Variants in LDLRAD4 observed in about 807,000 individuals in gnomAD.
The protein encoded by LDLRAD4 is low density lipoprotein receptor class A domain containing 4.
Under a neutral mutation model 17.0 loss-of-function variants are expected in LDLRAD4, and 5 were observed. That is an observed-to-expected ratio of 0.29 (90% CI 0.15 to 0.62). The LOEUF is 0.62. Among genes scored for constraint, LDLRAD4 ranks in the 20% least tolerant of loss-of-function variants. LDLRAD4 has a pLI of 0.84. For missense variants in LDLRAD4, 340 were observed against 424.7 expected, an observed-to-expected ratio of 0.80 and a Z score of 1.75; for synonymous variants, 168 against 171.8, an observed-to-expected ratio of 0.98 and a Z score of 0.17.
At chr18:13,575,337 A>G (rs952049588) in intron 3 of LDLRAD4, among the ~76,000 whole-genome samples, 47 of 152,316 alleles carry the variant, frequency 3.1e-4, no homozygotes, top group Admixed American at 1.2e-3. Flanking sequence ...TTGGTTTTCC[A>G]TTCCTGAGTT....
chr18:13,473,659 AT>A (rs1568213772), intron 3 of LDLRAD4, among the ~76,000 whole-genome samples: 28 of 105,826 alleles, frequency 2.6e-4, no homozygotes, highest in Admixed American at 8.8e-4. Context: ...ATATATATAT[AT>A]ATATATATAT....
At chr18:13,381,142 G>A (rs1551362) in intron 1 of LDLRAD4, among the ~76,000 whole-genome samples, 69,401 of 148,974 alleles carry the variant, frequency 0.47, 16,672 homozygotes, top group Non-Finnish European at 0.52. Context: ...CAGTGGTGCA[G>A]TCACAGCTCA....
intron 3 of LDLRAD4, among the ~76,000 whole-genome samples, chr18:13,456,698 A>C (rs1382283759): frequency 6.6e-6 from 1 of 152,234 alleles, no homozygotes; most frequent in Non-Finnish European, 1.5e-5. Flanking sequence ...ATTCATAATA[A>C]GTTTGCTTTT....
At chr18:13,642,808 C>T in intron 4 of LDLRAD4, 1 of 1,130,102 alleles carries the variant, frequency 8.8e-7, no homozygotes, top group Non-Finnish European at 1.1e-6. Context: ...GCCAGGAGTT[C>T]AACTTTTCCA....
intron 3 of LDLRAD4, among the ~76,000 whole-genome samples, chr18:13,576,457 GAAAT>G (rs59803676): frequency 0.32 from 46,664 of 146,564 alleles, 8,936 homozygotes; most frequent in South Asian, 0.44. Context: ...AAGAAAGAAA[GAAAT>G]AAAGTGGATT....
intron 1 of LDLRAD4, among the ~76,000 whole-genome samples, chr18:13,325,756 C>T (rs1376494773): frequency 3.3e-5 from 5 of 151,398 alleles, no homozygotes; most frequent in African/African-American, 1.2e-4. Context: ...AAACTTTTTT[C>T]CTTTTTTTTT....
chr18:13,567,818 C>T (rs1206994188), intron 3 of LDLRAD4, among the ~76,000 whole-genome samples: 1 of 151,866 alleles, frequency 6.6e-6, no homozygotes, highest in African/African-American at 2.4e-5. Context: ...ATGGTGTCAT[C>T]ATTTAAACTC....
At chr18:13,555,341 T>C (rs990233285) in intron 3 of LDLRAD4, among the ~76,000 whole-genome samples, 2 of 152,204 alleles carry the variant, frequency 1.3e-5, no homozygotes, top group Non-Finnish European at 2.9e-5. Context: ...CTTTCTGCAG[T>C]AGTTGGGGAT....
chr18:13,320,145 ATCT>A (rs1191767814), intron 1 of LDLRAD4, among the ~76,000 whole-genome samples: 2 of 152,232 alleles, frequency 1.3e-5, no homozygotes, highest in African/African-American at 2.4e-5. Flanking sequence ...TGATCATAAG[ATCT>A]TCTGTAGTTT....
intron 3 of LDLRAD4, among the ~76,000 whole-genome samples, chr18:13,580,126 G>C (rs887725864): frequency 6.6e-6 from 1 of 152,080 alleles, no homozygotes; most frequent in South Asian, 2.1e-4. Context: ...AGGGCTCCAG[G>C]CTGCTCTTCT....
intron 1 of LDLRAD4, among the ~76,000 whole-genome samples, chr18:13,324,098 TACAC>T (rs56160634): frequency 0.37 from 55,276 of 151,368 alleles, 10,799 homozygotes; most frequent in African/African-American, 0.51. Context: ...GACGATGAAT[TACAC>T]GTGCGTGGCT....
At chr18:13,376,534 G>A (rs2084924470) in intron 1 of LDLRAD4, among the ~76,000 whole-genome samples, 1 of 152,180 alleles carries the variant, frequency 6.6e-6, no homozygotes, top group Non-Finnish European at 1.5e-5. Context: ...AAGACAGACA[G>A]ATCCTTTCAG....
At chr18:13,392,609 G>A (rs956103893) in intron 2 of LDLRAD4, among the ~76,000 whole-genome samples, 1 of 152,186 alleles carries the variant, frequency 6.6e-6, no homozygotes, top group African/African-American at 2.4e-5. Flanking sequence ...GACTTGGAAT[G>A]CATCCTTTCT....
intron 1 of LDLRAD4, among the ~76,000 whole-genome samples, chr18:13,371,005 G>A (rs1160526475): frequency 1.3e-5 from 2 of 151,966 alleles, no homozygotes; most frequent in Admixed American, 1.3e-4. Context: ...CACCACACCC[G>A]GCCCCCTTCA....
At chr18:13,423,350 A>G (rs968589523) in intron 2 of LDLRAD4, among the ~76,000 whole-genome samples, 3 of 151,980 alleles carry the variant, frequency 2.0e-5, no homozygotes, top group Admixed American at 6.6e-5. Flanking sequence ...AAAATTAGCC[A>G]GGCATGGTGG....
At chr18:13,495,725 TA>T (rs983989731) in intron 3 of LDLRAD4, among the ~76,000 whole-genome samples, 3 of 152,234 alleles carry the variant, frequency 2.0e-5, no homozygotes, top group African/African-American at 7.2e-5. Context: ...TCAAAGGTCG[TA>T]GGGCCCAGCC....
At position 13,368,445 on chromosome 18, in the gene LDLRAD4, T is replaced by TA. The variant is rs1426970873; in HGVS notation, c.-382-18895dup. On this transcript the variant is annotated intron_variant, in intron 1 of 5. Transcript: ENST00000359446. Reference sequence around the variant, plus strand: ...TGCTTTCTGTGTAGGGAGCTGCAGTTATGCACAGCCTTGCCTACACCAGAA... The same window carrying TA: ...TGCTTTCTGTGTAGGGAGCTGCAGTTAATGCACAGCCTTGCCTACACCAGAA... Among the ~76,000 whole-genome samples the TA allele has an allele frequency of 4.6e-5, 7 of 152,198 alleles. No homozygotes were observed. In the East Asian group the frequency reaches 1.4e-3, roughly 29 times the overall value.
intron 3 of LDLRAD4, among the ~76,000 whole-genome samples, chr18:13,506,936 C>T (rs776340622): frequency 6.6e-6 from 1 of 152,202 alleles, no homozygotes; most frequent in Non-Finnish European, 1.5e-5. Flanking sequence ...TGACTCTATA[C>T]AGGAGTACCT....
chr18:13,476,127 TGG>T, intron 3 of LDLRAD4, among the ~76,000 whole-genome samples: 1 of 152,168 alleles, frequency 6.6e-6, no homozygotes, highest in African/African-American at 2.4e-5. Context: ...TGTTGGCACA[TGG>T]ATGCCTTAAG....
Sources: allele counts gnomAD v4.1 joint callset (sites outside exome capture counted in the v4.1 genomes callset), GRCh38; gene constraint gnomAD v4.1.1; transcripts MANE v1.5; gene names NCBI Gene and HGNC (gene_info 2026-07-23, HGNC 2026-07-21).